The following KAZN variants were observed in gnomAD, a reference collection of about 807,000 sequenced individuals.
The protein encoded by KAZN is kazrin, periplakin interacting protein.
A neutral mutation model predicts 87.4 loss-of-function variants in KAZN; 40 were observed. That is an observed-to-expected ratio of 0.46 (90% CI 0.36 to 0.60). The LOEUF (loss-of-function observed/expected upper bound fraction) is 0.60. Ranked by LOEUF, KAZN falls within the 20% of genes least tolerant of loss-of-function variation. The pLI is 0.00. For missense variants in KAZN, 898 were observed against 1,073.9 expected (o/e 0.84, Z 2.29); for synonymous variants, 466 against 458.3 (o/e 1.02, Z -0.22).
chr1:14,204,414 C>G (rs1646698232), intron 2 of KAZN, among the ~76,000 whole-genome samples: 1 of 152,106 alleles, frequency 6.6e-6, no homozygotes, highest in African/African-American at 2.4e-5. Flanking sequence ...GGAGAATGGT[C>G]CATTTATATG....
intron 2 of KAZN, among the ~76,000 whole-genome samples, chr1:14,530,999 G>A (rs2148480383): frequency 1.3e-5 from 2 of 152,262 alleles, no homozygotes; most frequent in South Asian, 4.2e-4. Flanking sequence ...CCTGAGCCTG[G>A]GAGGTCTAGG....
chr1:14,787,601 G>A (rs1326586313), intron 1 of KAZN, among the ~76,000 whole-genome samples: 1 of 152,184 alleles, frequency 6.6e-6, no homozygotes, highest in East Asian at 1.9e-4. Flanking sequence ...ATTAATGTTG[G>A]CCATTACAAT....
At chr1:14,715,296 T>C (rs1156767366) in intron 1 of KAZN, among the ~76,000 whole-genome samples, 1 of 152,200 alleles carries the variant, frequency 6.6e-6, no homozygotes, top group Non-Finnish European at 1.5e-5. Context: ...GCTCTTGAAC[T>C]TCACCATATG....
At chr1:14,900,194 C>G (rs1557601758) in intron 1 of KAZN, among the ~76,000 whole-genome samples, 1 of 152,162 alleles carries the variant, frequency 6.6e-6, no homozygotes, top group African/African-American at 2.4e-5. Flanking sequence ...CTCAAAGACC[C>G]CAGGGCCAAT....
intron 2 of KAZN, among the ~76,000 whole-genome samples, chr1:14,496,143 T>C (rs1361438762): frequency 9.9e-5 from 15 of 152,212 alleles, no homozygotes; most frequent in Non-Finnish European, 1.5e-5. Context: ...TGTGGTTATT[T>C]TGAATAAATT....
intron 1 of KAZN, among the ~76,000 whole-genome samples, chr1:14,768,551 G>C (rs892767806): frequency 6.6e-6 from 1 of 152,166 alleles, no homozygotes; most frequent in Non-Finnish European, 1.5e-5. Context: ...ATTTCAAGTG[G>C]TCTCCACTTC....
intron 2 of KAZN, among the ~76,000 whole-genome samples, chr1:14,268,295 T>C (rs539466249): frequency 1.3e-5 from 2 of 152,324 alleles, no homozygotes; most frequent in South Asian, 2.1e-4. Flanking sequence ...TTTCATGATA[T>C]TCCAAGGCCC....
intron 2 of KAZN, among the ~76,000 whole-genome samples, chr1:14,383,956 G>A (rs1477970284): frequency 1.3e-5 from 2 of 152,022 alleles, no homozygotes; most frequent in African/African-American, 2.4e-5. Flanking sequence ...AGCATGGAAT[G>A]TTCTTCCATT....
In KAZN at chr1:14,620,467, G is replaced by A. The variant is rs528558495; in HGVS notation, c.226+21244G>A. Among the ~76,000 whole-genome samples the A allele has an allele frequency of 2.0e-5, 3 of 152,290 alleles. No individual in the cohort carries two copies. The South Asian group carries it at 6.2e-4, about 32-fold the overall frequency. On this transcript the variant is annotated intron_variant, in intron 1 of 14. Transcript: ENST00000376030. ...CCACTTTGCCACATCTTCTCTGGGT[G>A]GCAAGAAGCTGGAATAGGTTTCCAA...
At chr1:14,154,691 G>T (rs999467293) in intron 1 of KAZN, among the ~76,000 whole-genome samples, 1 of 152,094 alleles carries the variant, frequency 6.6e-6, no homozygotes, top group Non-Finnish European at 1.5e-5. Context: ...TTTTTGGAGG[G>T]TTTTTATCAT....
chr1:14,803,299 G>A (rs986058483), intron 1 of KAZN, among the ~76,000 whole-genome samples: 1 of 152,158 alleles, frequency 6.6e-6, no homozygotes, highest in African/African-American at 2.4e-5. Context: ...ATTCAGCCCC[G>A]GATGTAGCTG....
intron 1 of KAZN, among the ~76,000 whole-genome samples, chr1:14,165,546 C>T (rs1414869770): frequency 1.3e-5 from 2 of 152,108 alleles, no homozygotes; most frequent in Non-Finnish European, 1.5e-5. Context: ...TGCATCTGGT[C>T]TTGCATAATA....
intron 1 of KAZN, among the ~76,000 whole-genome samples, chr1:14,695,957 C>T (rs906720530): frequency 6.6e-6 from 1 of 152,146 alleles, no homozygotes; most frequent in African/African-American, 2.4e-5. Context: ...TTGGTGAATA[C>T]AGTAAAAAGC....
At chr1:14,658,228 G>A (rs1184551948) in intron 1 of KAZN, among the ~76,000 whole-genome samples, 1 of 152,316 alleles carries the variant, frequency 6.6e-6, no homozygotes, top group East Asian at 1.9e-4. Context: ...TCTTAGCTCT[G>A]TGACCTTGGG....
At chr1:13,930,680 G>T (rs1015873199) in intron 1 of KAZN, among the ~76,000 whole-genome samples, 3 of 152,208 alleles carry the variant, frequency 2.0e-5, no homozygotes, top group African/African-American at 7.2e-5. Flanking sequence ...TATAAGAAAA[G>T]CATAAAAGTC....
intron 8 of KAZN, chr1:15,067,589 C>G: frequency 7.1e-6 from 7 of 985,412 alleles, no homozygotes; most frequent in Non-Finnish European, 8.4e-6. Flanking sequence ...ATTTTCAGCT[C>G]TTAAAAAGAA....
intron 1 of KAZN, among the ~76,000 whole-genome samples, chr1:14,634,089 A>G (rs1201576495): frequency 6.6e-6 from 1 of 152,078 alleles, no homozygotes; most frequent in East Asian, 1.9e-4. Flanking sequence ...AGAGGGACCC[A>G]TTCTTTTCCC....
intron 1 of KAZN, among the ~76,000 whole-genome samples, chr1:14,727,582 C>T (rs1643459531): frequency 6.8e-6 from 1 of 146,224 alleles, no homozygotes; most frequent in South Asian, 2.2e-4. Flanking sequence ...TGGGTTCAAG[C>T]GATTCTCCTG....
intron 2 of KAZN, among the ~76,000 whole-genome samples, chr1:14,510,276 G>A (rs1670832700): frequency 6.6e-6 from 1 of 151,926 alleles, no homozygotes; most frequent in African/African-American, 2.4e-5. Context: ...TACTCGGGTG[G>A]CAGAGGCAGG....
Sources: allele counts gnomAD v4.1 joint callset (sites outside exome capture counted in the v4.1 genomes callset), GRCh38; gene constraint gnomAD v4.1.1; transcripts MANE v1.5; gene names NCBI Gene and HGNC (gene_info 2026-07-23, HGNC 2026-07-21).